The following FERMT2 variants were observed in gnomAD, a reference collection of about 807,000 sequenced individuals.
FERMT2 encodes FERM domain containing kindlin 2, also known as fermitin family homolog 2.
A neutral mutation model predicts 82.7 loss-of-function variants in FERMT2; 15 were observed. The observed-to-expected ratio is 0.18, with a 90% CI of 0.12 to 0.28. The LOEUF (loss-of-function observed/expected upper bound fraction) is 0.28. FERMT2 is among the 10% of genes least tolerant of loss of function. The probability of loss-of-function intolerance (pLI) is 1.00; values close to 1 mark genes in which losing one functional copy is unlikely to be tolerated. For missense variants in FERMT2, 645 were observed against 809.4 expected, an observed-to-expected ratio of 0.80 and a Z score of 2.46; for synonymous variants, 274 against 271.5, an observed-to-expected ratio of 1.01 and a Z score of -0.09.
intron 4 of FERMT2, chr14:52,881,804 G>C: frequency 7.7e-7 from 1 of 1,304,400 alleles, no homozygotes; most frequent in South Asian, 1.2e-5. Context: ...ACCTTTCAGA[G>C]GGCCAATGTA....
At chr14:52,874,451 A>G (rs973117396) in intron 8 of FERMT2, among the ~76,000 whole-genome samples, 3 of 152,208 alleles carry the variant, frequency 2.0e-5, no homozygotes, top group African/African-American at 7.2e-5. Flanking sequence ...TTTTCATCAA[A>G]ATGGCAATTT....
At chr14:52,908,832 T>A (rs1322315120) in intron 3 of FERMT2, among the ~76,000 whole-genome samples, 2 of 152,180 alleles carry the variant, frequency 1.3e-5, no homozygotes, top group Admixed American at 1.3e-4. Context: ...GCCCCTTGGG[T>A]CCTCAATAAA....
chr14:52,946,488 C>G (rs150481550), intron 2 of FERMT2, among the ~76,000 whole-genome samples: 1 of 151,998 alleles, frequency 6.6e-6, no homozygotes, highest in African/African-American at 2.4e-5. Flanking sequence ...CCCATCTCTA[C>G]GAAAAATTTT....
rs975808360 is a variant in FERMT2 at position 52,901,500 on chromosome 14, C to A, written c.392-8073G>T. 2.0e-5 allele frequency among the ~76,000 whole-genome samples: 3 copies of A among 152,102 alleles called. No homozygotes were observed. In the South Asian group the frequency reaches 6.2e-4, roughly 32 times the overall value. ...TTTTAGGGAGATTATCCTGGGTTAT[C>A]TGGGTGAGCCCAACGTAATCACATG... On this transcript the variant is annotated intron_variant, in intron 3 of 14. Transcript: ENST00000341590.
rs563474878 is a variant in FERMT2, at chr14:52,864,238, T to C, written c.1602+163A>G. 3.9e-5 allele frequency among the ~76,000 whole-genome samples: 6 copies of C among 152,312 alleles called. No individual in the cohort carries two copies. In the South Asian group the frequency reaches 1.2e-3, roughly 32 times the overall value. On this transcript the variant is annotated intron_variant, in intron 12 of 14. Transcript: ENST00000341590. ...TCAAAAAGTTTCAGATTTTGGAGGATTTCAGAGGTTCAGATTAGGGATACT... is the reference window on the plus strand; with the variant it reads ...TCAAAAAGTTTCAGATTTTGGAGGACTTCAGAGGTTCAGATTAGGGATACT...
At chr14:52,884,889 C>G (rs1016699438) in intron 4 of FERMT2, among the ~76,000 whole-genome samples, 17 of 151,998 alleles carry the variant, frequency 1.1e-4, no homozygotes, top group African/African-American at 4.1e-4. Flanking sequence ...ATAGTCCCAG[C>G]TACTTGGGAG....
intron 2 of FERMT2, among the ~76,000 whole-genome samples, chr14:52,937,465 A>ACC (rs1889896451): frequency 6.6e-6 from 1 of 151,866 alleles, no homozygotes; most frequent in African/African-American, 2.4e-5. Flanking sequence ...CTAACTTTCC[A>ACC]CCCTGTCTCT....
intron 2 of FERMT2, among the ~76,000 whole-genome samples, chr14:52,945,225 C>A: frequency 6.6e-6 from 1 of 151,352 alleles, no homozygotes. Context: ...CTCAATTGTT[C>A]TATGTTTTTT....
At chr14:52,939,543 A>G (rs1160009419) in intron 2 of FERMT2, among the ~76,000 whole-genome samples, 1 of 152,156 alleles carries the variant, frequency 6.6e-6, no homozygotes, top group Non-Finnish European at 1.5e-5. Flanking sequence ...AACTATTCTA[A>G]ACACTTCATG....
chr14:52,869,363 G>A (rs1191041025), intron 10 of FERMT2, among the ~76,000 whole-genome samples: 1 of 152,134 alleles, frequency 6.6e-6, no homozygotes, highest in Non-Finnish European at 1.5e-5. Flanking sequence ...TGACTACTAG[G>A]CAGAGCTCAT....
At position 52,901,830 on chromosome 14, in the gene FERMT2, C is replaced by G. The variant is rs149706539; in HGVS notation, c.392-8403G>C. On this transcript the variant is annotated intron_variant, in intron 3 of 14. Coordinates refer to ENST00000341590, the MANE Select transcript of FERMT2 (RefSeq NM_006832.3). ...GCCACTTAAGAGTCTATAGAGGACA[C>G]AGGTGAGCCACGTGTACACACCTTT... 9.8e-5 allele frequency among the ~76,000 whole-genome samples: 15 copies of G among 152,344 alleles called. 1 individual carries two copies. The East Asian group carries it at 2.9e-3, about 29-fold the overall frequency.
At chr14:52,893,188 G>T in intron 4 of FERMT2, 105 bp downstream of exon 4, 3 of 1,073,032 alleles carry the variant, frequency 2.8e-6, no homozygotes, top group South Asian at 2.4e-5. Context: ...TTTTTAACTT[G>T]ACCACTCTTC....
At chr14:52,934,820 C>A (rs755104936) in intron 2 of FERMT2, among the ~76,000 whole-genome samples, 1 of 152,178 alleles carries the variant, frequency 6.6e-6, no homozygotes, top group Non-Finnish European at 1.5e-5. Flanking sequence ...TTGGTCAACT[C>A]TTTCAATTAT....
Position 52,859,599 on chromosome 14 carries a change from A to G in FERMT2, c.1843T>C (p.Trp615Arg). 2 of 1,609,420 alleles carry G rather than the reference A, an allele frequency of 1.2e-6. No homozygotes were observed. Among genetic ancestry groups the G allele is most frequent in the Non-Finnish European group, 1.7e-6 (2 of 1,177,446 alleles). Residue 615 changes from tryptophan (W) to arginine (R), a missense_variant, in exon 14 of 15, where the codon TGG (tryptophan) becomes CGG (arginine). Trp to Arg is a moderately radical substitution (Grantham distance 101). Coordinates refer to ENST00000341590, the MANE Select transcript of FERMT2 (RefSeq NM_006832.3). ...ATTTTGATTTCCCAGTTGACATTCC[A>G]CTGTTTCATGTTGCTGAAACGCCAT... Reference protein sequence around the residue: ...KTWRFSNMKQWNVNWEIKMVT... With the variant: ...KTWRFSNMKQRNVNWEIKMVT...
At position 52,911,411 on chromosome 14, in the gene FERMT2, G is replaced by C. The variant is rs1274190774; in HGVS notation, c.391+7712C>G. 2.6e-5 allele frequency among the ~76,000 whole-genome samples: 4 copies of C among 152,034 alleles called. No individual in the cohort carries two copies. In the East Asian group the frequency reaches 7.7e-4, roughly 29 times the overall value. On this transcript the variant is annotated intron_variant, in intron 3 of 14. Transcript: ENST00000341590. ...TCACACCTGTAATCCCAGCACTTTG[G>C]GAGGCTGAGGCGGGCGGATCACAAG... is the stretch of plus-strand genomic sequence containing the variant.
chr14:52,883,259 C>G (rs979072463), intron 4 of FERMT2, among the ~76,000 whole-genome samples: 1 of 152,178 alleles, frequency 6.6e-6, no homozygotes, highest in African/African-American at 2.4e-5. Context: ...TTAAAGAATA[C>G]TGGGATCGTT....
chr14:52,949,476 T>A (rs1299307623), intron 2 of FERMT2, among the ~76,000 whole-genome samples: 3 of 140,384 alleles, frequency 2.1e-5, no homozygotes, highest in Non-Finnish European at 4.5e-5. Flanking sequence ...AAAAAGACAA[T>A]GCCACACAGA....
intron 2 of FERMT2, among the ~76,000 whole-genome samples, chr14:52,920,386 T>G (rs2139643063): frequency 6.6e-6 from 1 of 152,168 alleles, no homozygotes; most frequent in South Asian, 2.1e-4. Flanking sequence ...ATCCCAGAAC[T>G]TTGGTAGGCT....
At chr14:52,865,051 G>A (rs915414563) in intron 10 of FERMT2, among the ~76,000 whole-genome samples, 198 bp from the exon 11 acceptor site, 3 of 152,142 alleles carry the variant, frequency 2.0e-5, no homozygotes, top group African/African-American at 7.2e-5. Flanking sequence ...GGCCAGGTGT[G>A]GTAGCTCACG....
Sources: gnomAD v4.1 joint callset for allele counts (sites outside exome capture counted in the v4.1 genomes callset) on GRCh38, gnomAD v4.1.1 for gene constraint, MANE v1.5 for transcripts, NCBI Gene and HGNC (gene_info 2026-07-23, HGNC 2026-07-21) for gene names.